NTRK3: variants seen among roughly 807,000 people sequenced by gnomAD.
NTRK3 encodes neurotrophic receptor tyrosine kinase 3, also known as NT-3 growth factor receptor.
A neutral mutation model predicts 91.7 loss-of-function variants in NTRK3; 24 were observed. That is an observed-to-expected ratio of 0.26 (90% CI 0.19 to 0.37). NTRK3 has a LOEUF of 0.37. NTRK3 is among the 10% of genes least tolerant of loss of function. The pLI is 1.00. For missense variants in NTRK3, 880 were observed against 1,068.9 expected (o/e 0.82, Z 2.46); for synonymous variants, 483 against 404.0 (o/e 1.20, Z -2.34).
At chr15:88,076,864 G>A (rs942108893) in intron 13 of NTRK3, among the ~76,000 whole-genome samples, 1 of 152,014 alleles carries the variant, frequency 6.6e-6, no homozygotes, top group African/African-American at 2.4e-5. Flanking sequence ...AATCCGAGGT[G>A]GGTGGATCAC....
intron 3 of NTRK3, among the ~76,000 whole-genome samples, chr15:88,229,157 T>C (rs1186916880): frequency 2.0e-5 from 3 of 152,192 alleles, no homozygotes; most frequent in Non-Finnish European, 2.9e-5. Context: ...TAAACCCCTA[T>C]ATGTTTAAGC....
At chr15:88,087,451 T>C (rs28549188) in intron 13 of NTRK3, among the ~76,000 whole-genome samples, 1 of 152,088 alleles carries the variant, frequency 6.6e-6, no homozygotes, top group East Asian at 1.9e-4. Flanking sequence ...AAATTTCCAC[T>C]GTCACTCAGC....
intron 3 of NTRK3, among the ~76,000 whole-genome samples, chr15:88,227,480 G>T (rs138273448): frequency 2.5e-3 from 379 of 152,214 alleles, no homozygotes; most frequent in African/African-American, 8.8e-3. Flanking sequence ...AGGAAATGTG[G>T]GCAGGTGAAA....
At chr15:88,177,824 T>C (rs905111862) in intron 5 of NTRK3, among the ~76,000 whole-genome samples, 1 of 152,240 alleles carries the variant, frequency 6.6e-6, no homozygotes, top group African/African-American at 2.4e-5. Flanking sequence ...AAATCTTTAA[T>C]AGCAAAAACA....
At chr15:88,069,332 C>A (rs1032426126) in intron 13 of NTRK3, among the ~76,000 whole-genome samples, 5 of 152,200 alleles carry the variant, frequency 3.3e-5, no homozygotes, top group Admixed American at 2.0e-4. Context: ...ATTTCAAGTC[C>A]TGGTTTGCTA....
intron 14 of NTRK3, among the ~76,000 whole-genome samples, chr15:87,944,964 CA>C (rs1239126154): frequency 1.3e-5 from 2 of 152,192 alleles, no homozygotes; most frequent in African/African-American, 4.8e-5. Flanking sequence ...ATCTGAACTA[CA>C]GGCCAAAAAG....
chr15:87,886,697 T>TATATATATATATATATATATATATAC (rs1335887821), intron 17 of NTRK3, among the ~76,000 whole-genome samples: 122 of 135,816 alleles, frequency 9.0e-4, no homozygotes, highest in Middle Eastern at 3.8e-3. Flanking sequence ...TATATATATA[T>TATATATATATATATATATATATATAC]ATACATATAT....
At chr15:88,116,695 T>G (rs1186071433) in intron 13 of NTRK3, among the ~76,000 whole-genome samples, 2 of 152,212 alleles carry the variant, frequency 1.3e-5, no homozygotes, top group African/African-American at 4.8e-5. Flanking sequence ...CCAGACCTAT[T>G]GAACCAGAAT....
chr15:88,067,389 G>A (rs552525017), intron 13 of NTRK3, among the ~76,000 whole-genome samples: 5 of 151,948 alleles, frequency 3.3e-5, no homozygotes, highest in Non-Finnish European at 7.4e-5. Flanking sequence ...ATCCCTCCTG[G>A]ATCTATTTTC....
chr15:87,887,244 C>G lies in NTRK3; in HGVS notation c.2134-6816G>C, dbSNP rs147127511. Among the ~76,000 whole-genome samples the G allele has an allele frequency of 2.7e-3, 413 of 152,228 alleles. 2 individuals carry two copies. The highest frequency in any genetic ancestry group is 9.2e-3 in the African/African-American group (382 of 41,540). On this transcript the variant is annotated intron_variant, in intron 17 of 18. Transcript: ENST00000394480. ...AAGAATCTTCAAAATTCTAACCAAG[C>G]AGCACAACCAATGTGGATGAAGTTT... is the stretch of plus-strand genomic sequence containing the variant.
chr15:88,143,276 C>T (rs1224187221), intron 6 of NTRK3, among the ~76,000 whole-genome samples: 1 of 152,124 alleles, frequency 6.6e-6, no homozygotes. Context: ...GACAAAGAGA[C>T]AGGGATGGCA....
chr15:88,147,612 T>C (rs2043008977), intron 5 of NTRK3, among the ~76,000 whole-genome samples: 2 of 152,052 alleles, frequency 1.3e-5, no homozygotes, highest in African/African-American at 4.8e-5. Flanking sequence ...CAGGTTTGGA[T>C]AGGCTTTTGA....
chr15:87,932,862 A>G, intron 16 of NTRK3, 150 bp downstream of exon 16: 3 of 822,854 alleles, frequency 3.6e-6, no homozygotes, highest in South Asian at 2.9e-5. Flanking sequence ...GCTGCTAAGG[A>G]GATCATGTAT....
intron 12 of NTRK3, 87 bp from the exon 13 acceptor site, chr15:88,126,460 G>T: frequency 1.2e-6 from 1 of 817,894 alleles, no homozygotes; most frequent in Non-Finnish European, 2.1e-6. Context: ...GATAAGAACA[G>T]TCCTACTGCC....
intron 14 of NTRK3, among the ~76,000 whole-genome samples, chr15:88,015,356 G>T (rs779409720): frequency 7.9e-5 from 12 of 152,070 alleles, no homozygotes; most frequent in Non-Finnish European, 1.6e-4. Flanking sequence ...ACCCCGGGAG[G>T]GAGTCCTTCT....
At chr15:88,222,113 G>T (rs1567672922) in intron 3 of NTRK3, among the ~76,000 whole-genome samples, 6 of 152,228 alleles carry the variant, frequency 3.9e-5, no homozygotes. Flanking sequence ...AGGCAGTACA[G>T]AGGGACTGTT....
At chr15:88,006,549 C>A (rs913326533) in intron 14 of NTRK3, among the ~76,000 whole-genome samples, 1 of 152,204 alleles carries the variant, frequency 6.6e-6, no homozygotes, top group Non-Finnish European at 1.5e-5. Context: ...GGCAGCAGCC[C>A]TCCACAGGCA....
At chr15:88,034,260 T>A (rs1202673645) in intron 13 of NTRK3, among the ~76,000 whole-genome samples, 4 of 152,214 alleles carry the variant, frequency 2.6e-5, no homozygotes, top group African/African-American at 9.6e-5. Flanking sequence ...TGCCCCACTC[T>A]TGAAATATCA....
chr15:87,863,592 G>A (rs2064582843), exon 19 of NTRK3: 1 of 218,798 alleles, frequency 4.6e-6, no homozygotes, highest in South Asian at 1.9e-4. Flanking sequence ...GTTTTCCTGT[G>A]GAACAGTTAA....
Sources: allele counts gnomAD v4.1 joint callset (sites outside exome capture counted in the v4.1 genomes callset), GRCh38; gene constraint gnomAD v4.1.1; transcripts MANE v1.5; gene names NCBI Gene and HGNC (gene_info 2026-07-23, HGNC 2026-07-21).